The following TRMT11 variants were observed in gnomAD, a reference collection of about 807,000 sequenced individuals.
TRMT11 encodes tRNA (guanine(10)-N(2))-methyltransferase TRMT11.
TRMT11 carries 53 observed loss-of-function variants against 62.8 expected under a neutral mutation model. That is an observed-to-expected ratio of 0.84 (90% CI 0.68 to 1.06). TRMT11 has a LOEUF of 1.06. Ranked by LOEUF, TRMT11 falls within the 50% of genes least tolerant of loss-of-function variation. The pLI, the probability that TRMT11 is intolerant of heterozygous loss-of-function variation, is 0.00. For missense variants in TRMT11, 556 were observed against 553.4 expected (o/e 1.00, Z -0.05); for synonymous variants, 188 against 190.3 (o/e 0.99, Z 0.10).
At chr6:126,211,127 A>G in the TRMT11 span, among the ~76,000 whole-genome samples, 5 of 152,042 alleles carry the variant, frequency 3.3e-5, no homozygotes, top group Admixed American at 2.0e-4. Context: ...AGCAAACACT[A>G]TTGTGGAGAT....
chr6:126,203,257 A>G (rs1216687697), downstream of TRMT11, among the ~76,000 whole-genome samples: 1 of 152,200 alleles, frequency 6.6e-6, no homozygotes, highest in Non-Finnish European at 1.5e-5. Flanking sequence ...TCACATTTTC[A>G]TTTTGCAGTG....
chr6:126,217,903 A>C, the TRMT11 span, among the ~76,000 whole-genome samples: 1 of 152,074 alleles, frequency 6.6e-6, no homozygotes, highest in Non-Finnish European at 1.5e-5. Flanking sequence ...TGGAGTCAGA[A>C]GCCTTAGGAA....
intron 17 of TRMT11, among the ~76,000 whole-genome samples, chr6:126,097,573 A>C (rs1777355042): frequency 2.0e-5 from 3 of 152,058 alleles, no homozygotes; most frequent in Admixed American, 2.0e-4. Context: ...TCAAGCATGA[A>C]ATTTTCCTTT....
Position 125,986,593 on chromosome 6 carries a change from G to T in TRMT11, c.43G>T (p.Ala15Ser). 6.3e-7 allele frequency: 1 copy of T among 1,586,672 alleles called. No individual in the cohort carries two copies. Residue 15 changes from alanine (A) to serine (S), a missense_variant, in exon 1 of 13, where the codon GCG (alanine) becomes TCG (serine). Ala to Ser is a moderately conservative substitution (Grantham distance 99). Transcript: ENST00000334379. The stretch of plus-strand genomic sequence containing the variant: ...CCTTAACAGGTATCTGCTCCTCATG[G>T]CGCAGGAGCATCTGGAGTTCCGCCT... ...CTLNRYLLLM[A>S]QEHLEFRLPE...
rs1427114114 is a variant in TRMT11 at position 126,123,907 on chromosome 6, T to C, written c.*1823+8052T>C. Among the ~76,000 whole-genome samples, 4 of 152,046 alleles carry C rather than the reference T, an allele frequency of 2.6e-5. No individual in the cohort carries two copies. The East Asian group carries it at 7.7e-4, about 29-fold the overall frequency. ...ATTGTCTGTTGTACTTTTTGAGTTT[T>C]TTTAAAAACTTAAGCTTTTGATTGA... On this transcript the variant is annotated intron_variant and NMD_transcript_variant, in intron 21 of 22. Coordinates refer to the TRMT11 transcript ENST00000648977.
chr6:126,063,704 A>G (rs886990739), intron 17 of TRMT11, among the ~76,000 whole-genome samples: 1 of 152,336 alleles, frequency 6.6e-6, no homozygotes, highest in South Asian at 2.1e-4. Flanking sequence ...TTCATGGGCC[A>G]TGCTTTGAGA....
chr6:126,035,194 A>G (rs570205477), intron 12 of TRMT11, among the ~76,000 whole-genome samples: 56 of 152,220 alleles, frequency 3.7e-4, no homozygotes, highest in Admixed American at 9.2e-4. Context: ...ATGTATGATT[A>G]TATGTGATAT....
intron 17 of TRMT11, among the ~76,000 whole-genome samples, chr6:126,068,416 G>A (rs911907639): frequency 1.3e-5 from 2 of 152,068 alleles, no homozygotes; most frequent in Non-Finnish European, 2.9e-5. Context: ...TTGTTGTTTT[G>A]CCTTTCAGGT....
chr6:126,179,528 G>GT (rs896228744), intron 1 of TRMT11, among the ~76,000 whole-genome samples: 1 of 151,870 alleles, frequency 6.6e-6, no homozygotes, highest in African/African-American at 2.4e-5. Context: ...ACTGAACAAA[G>GT]TTTTTTTTCT....
chr6:126,247,469 C>CTATG, the TRMT11 span, among the ~76,000 whole-genome samples: 3 of 145,720 alleles, frequency 2.1e-5, no homozygotes, highest in African/African-American at 7.7e-5. Context: ...ATCTATCTAT[C>CTATG]TATCTATCTA....
intron 17 of TRMT11, among the ~76,000 whole-genome samples, chr6:126,095,377 C>T (rs1416286994): frequency 6.6e-6 from 1 of 152,172 alleles, no homozygotes; most frequent in African/African-American, 2.4e-5. Context: ...TAAATGTAGT[C>T]TAAGGGAGAG....
At chr6:126,034,288 C>T (rs1455723018) in intron 12 of TRMT11, among the ~76,000 whole-genome samples, 1 of 152,080 alleles carries the variant, frequency 6.6e-6, no homozygotes, top group East Asian at 1.9e-4. Context: ...TGATACTTTT[C>T]TGCAAAAAGA....
intron 7 of TRMT11, among the ~76,000 whole-genome samples, chr6:126,005,851 G>T (rs1793266840): frequency 6.6e-6 from 1 of 151,918 alleles, no homozygotes; most frequent in Non-Finnish European, 1.5e-5. Flanking sequence ...CATCCCCTCT[G>T]TCAAGTGAGT....
At chr6:126,081,246 A>G (rs1777151988) in intron 17 of TRMT11, among the ~76,000 whole-genome samples, 1 of 152,226 alleles carries the variant, frequency 6.6e-6, no homozygotes, top group African/African-American at 2.4e-5. Flanking sequence ...AGTGACCTGA[A>G]AAATGCCTTT....
At chr6:126,180,121 A>G (rs1763947046) in intron 1 of TRMT11, among the ~76,000 whole-genome samples, 1 of 152,218 alleles carries the variant, frequency 6.6e-6, no homozygotes, top group South Asian at 2.1e-4. Flanking sequence ...ATATAACTTT[A>G]TAGACAAAAC....
At chr6:126,181,858 T>A (rs1778470653) in intron 1 of TRMT11, among the ~76,000 whole-genome samples, 1 of 152,182 alleles carries the variant, frequency 6.6e-6, no homozygotes, top group African/African-American at 2.4e-5. Flanking sequence ...TCCTTTCCTT[T>A]ATTAATTCTA....
At chr6:126,066,461 G>A (rs574994030) in intron 17 of TRMT11, among the ~76,000 whole-genome samples, 33 of 152,160 alleles carry the variant, frequency 2.2e-4, no homozygotes, top group African/African-American at 7.5e-4. Context: ...GCCTTTCTTG[G>A]TGCATGTATG....
rs1583858219 is a variant in TRMT11 at position 126,066,742 on chromosome 6, C to T, written c.*1437+13552C>T. On this transcript the variant is annotated intron_variant and NMD_transcript_variant, in intron 17 of 22. Coordinates refer to the TRMT11 transcript ENST00000648977. ...CTTGTAAGCCCTAGGTGAATTGTTA[C>T]ACTTGTCCTGAGGGCAGGGCAGTGG... Among the ~76,000 whole-genome samples, 3 of 152,210 alleles carry T rather than the reference C, an allele frequency of 2.0e-5. No individual in the cohort carries two copies. The South Asian group carries it at 6.2e-4, about 32-fold the overall frequency.
At position 126,038,792 on chromosome 6, in the gene TRMT11, G is replaced by A. The variant is rs756567948; in HGVS notation, c.1348G>A (p.Val450Ile). The A allele has an allele frequency of 3.8e-5, 61 of 1,603,258 alleles. No individual in the cohort carries two copies. Among genetic ancestry groups the A allele is most frequent in the Admixed American group, 3.6e-4 (21 of 58,258 alleles). ...NSFREKYFSGVTKRIAKEEKS... is the reference protein window; with the variant it reads ...NSFREKYFSGITKRIAKEEKS... The stretch of plus-strand genomic sequence containing the variant: ...CTTCCGTGAGAAATATTTTAGTGGG[G>A]TAACAAAAAGAATTGCCAAGGAAGA... Residue 450 changes from valine to isoleucine, a missense_variant, in exon 13 of 13, where the codon GTA (valine) becomes ATA (isoleucine). Transcript: ENST00000334379.
Sources: gnomAD v4.1 joint callset for allele counts (sites outside exome capture counted in the v4.1 genomes callset) on GRCh38, gnomAD v4.1.1 for gene constraint, MANE v1.5 for transcripts, NCBI Gene and HGNC (gene_info 2026-07-23, HGNC 2026-07-21) for gene names.